The following ZNF729 variants were observed in gnomAD, a reference collection of about 807,000 sequenced individuals.
ZNF729 encodes the protein zinc finger protein 729.
In ZNF729, 15 loss-of-function variants were observed where a neutral mutation model predicts 12.2. The ratio of observed to expected loss-of-function variants is 1.23; its 90% CI spans 0.82 to 1.89. The LOEUF (loss-of-function observed/expected upper bound fraction) is 1.89, where lower values mean the gene tolerates loss of function less well. ZNF729 is among the 40% of genes most tolerant of loss of function. The pLI, the probability that ZNF729 is intolerant of heterozygous loss-of-function variation, is 0.00. For synonymous variants in ZNF729, 492 were observed against 476.3 expected (o/e 1.03, Z -0.43); for missense variants, 1,540 against 1,456.7 (o/e 1.06, Z -0.93).
At chr19:22,299,121 G>A (rs1968270832) in intron 1 of ZNF729, 2 of 152,188 alleles carry the variant, frequency 1.3e-5, no homozygotes, top group Admixed American at 1.3e-4. Context: ...TAATGCTCAT[G>A]TTTCTCATGC....
intron 1 of ZNF729, among the ~76,000 whole-genome samples, chr19:22,287,623 C>T (rs1968097136): frequency 6.6e-6 from 1 of 151,672 alleles, no homozygotes; most frequent in Non-Finnish European, 1.5e-5. Flanking sequence ...AGTCTAATTG[C>T]CTGCCACTTA....
In ZNF729 at chr19:22,314,544, A is replaced by G. The variant is rs1467207914; in HGVS notation, c.1127A>G (p.Tyr376Cys). 15 of 1,611,532 alleles carry G rather than the reference A, an allele frequency of 9.3e-6. No individual in the cohort carries two copies. Among genetic ancestry groups the G allele is most frequent in the Admixed American group, 3.3e-5 (2 of 59,970 alleles). ...HEIIHTGEKPYKCEECGKAFK... is the reference protein window; with the variant it reads ...HEIIHTGEKPCKCEECGKAFK... ...ATAATTCATACTGGAGAGAAACCCT[A>G]CAAATGTGAAGAATGTGGTAAAGCT... Residue 376 changes from tyrosine to cysteine, a missense_variant, in exon 4 of 4, where the codon TAC becomes TGC. Transcript: ENST00000601693.
At chr19:22,306,132 A>G (rs1339612081) in intron 3 of ZNF729, among the ~76,000 whole-genome samples, 1 of 152,158 alleles carries the variant, frequency 6.6e-6, no homozygotes. Context: ...TATATTTAAA[A>G]TGATTTCTTA....
chr19:22,297,682 A>T (rs1169222560), intron 1 of ZNF729, among the ~76,000 whole-genome samples: 1 of 151,436 alleles, frequency 6.6e-6, no homozygotes, highest in Admixed American at 6.6e-5. Context: ...AAAGGAGACA[A>T]AGATTTGTTT....
chr19:22,295,423 T>C (rs1968217030), intron 1 of ZNF729, among the ~76,000 whole-genome samples: 1 of 149,926 alleles, frequency 6.7e-6, no homozygotes, highest in Non-Finnish European at 1.5e-5. Context: ...AGAGTCGCTC[T>C]GTCGCCCAGG....
At chr19:22,289,801 C>T (rs1392084488) in intron 1 of ZNF729, among the ~76,000 whole-genome samples, 1 of 152,052 alleles carries the variant, frequency 6.6e-6, no homozygotes, top group Non-Finnish European at 1.5e-5. Flanking sequence ...TATTCTATAT[C>T]CTGTTATATT....
chr19:22,316,926 A>G lies in ZNF729; in HGVS notation c.3509A>G (p.Asn1170Ser), dbSNP rs780981416. 7.4e-6 allele frequency: 12 copies of G among 1,612,882 alleles called. No individual in the cohort carries two copies. Among genetic ancestry groups the G allele is most frequent in the African/African-American group, 2.7e-5 (2 of 74,860 alleles). Reference protein sequence around the residue: ...YKCEECGKAFNQSSHLTRHKT... With the variant: ...YKCEECGKAFSQSSHLTRHKT... ...TGTGAAGAATGTGGCAAAGCCTTTA[A>G]CCAGTCCTCACACCTTACTAGACAC... The change falls in exon 4 of 4, where the codon AAC (asparagine) becomes AGC (serine). Residue 1170 changes from asparagine to serine, a missense_variant. Asn to Ser is a conservative substitution (Grantham distance 46). Transcript: ENST00000601693.
At position 22,314,706 on chromosome 19, in the gene ZNF729, A is replaced by C. The variant is rs766296191; in HGVS notation, c.1289A>C (p.Lys430Thr). 4 of 1,613,112 alleles carry C rather than the reference A, an allele frequency of 2.5e-6. No individual in the cohort carries two copies. Among genetic ancestry groups the C allele is most frequent in the African/African-American group, 1.3e-5 (1 of 74,902 alleles). Residue 430 changes from lysine (K) to threonine (T), a missense_variant, in exon 4 of 4, where the codon AAA becomes ACA. Coordinates refer to ENST00000601693, the MANE Select transcript of ZNF729 (RefSeq NM_001242680.2). The part of the protein sequence containing the change: ...KKHKIIHTGK[K>T]PYKCEECGKA... ...CATAAGATAATTCATACTGGAAAGA[A>C]ACCCTACAAATGTGAAGAATGTGGC...
At chr19:22,292,671 G>A (rs2145041386) in intron 1 of ZNF729, among the ~76,000 whole-genome samples, 1 of 152,112 alleles carries the variant, frequency 6.6e-6, no homozygotes, top group South Asian at 2.1e-4. Flanking sequence ...GAACTCCTGA[G>A]CTCAGGCAAT....
At chr19:22,301,434 C>G (rs1968302882) in intron 1 of ZNF729, among the ~76,000 whole-genome samples, 1 of 152,190 alleles carries the variant, frequency 6.6e-6, no homozygotes, top group Admixed American at 6.5e-5. Context: ...GATGAGATCT[C>G]TCCTTTGATT....
chr19:22,314,153 A>C lies in ZNF729; in HGVS notation c.736A>C (p.Lys246Gln), dbSNP rs773975059. ...YKYKKCGNAF[K>Q]FSSTFTKHKR... ...ATATAAGAAATGTGGCAATGCCTTT[A>C]AATTTTCTTCAACGTTCACTAAACA... The change falls in exon 4 of 4, where the codon AAA becomes CAA. Residue 246 changes from lysine to glutamine, a missense_variant. Physicochemically the swap from Lys to Gln is moderately conservative, Grantham distance 53. Transcript: ENST00000601693. 1.3e-6 allele frequency: 2 copies of C among 1,563,806 alleles called. No homozygotes were observed. Among genetic ancestry groups the C allele is most frequent in the Non-Finnish European group, 8.7e-7 (1 of 1,155,556 alleles).
At chr19:22,300,745 C>T (rs368718195) in intron 1 of ZNF729, among the ~76,000 whole-genome samples, 2 of 152,280 alleles carry the variant, frequency 1.3e-5, no homozygotes, top group African/African-American at 4.8e-5. Flanking sequence ...AACTGATTCA[C>T]AGACTATGGG....
rs771050759 is a variant in ZNF729, at chr19:22,316,042, T to C, written c.2625T>C (p.Ser875=). 35 of 1,610,606 alleles carry C rather than the reference T, an allele frequency of 2.2e-5. No homozygotes were observed. In the African/African-American group the frequency reaches 4.3e-4, roughly 20 times the overall value. The change falls in exon 4 of 4, where the codon AGT becomes AGC. Residue 875 remains serine (S), a synonymous_variant. Coordinates refer to ENST00000601693, the MANE Select transcript of ZNF729 (RefSeq NM_001242680.2). ...TTAGAAAACATGAGATAATTCATAG[T>C]GGAGAGAAACCATACAAATGTGAAG... ...SSLRKHEIIH[S]GEKPYKCEEC... is the part of the protein sequence containing the mutation.
rs571280286 is a variant in ZNF729, at chr19:22,311,112, A to T, written c.254-2559A>T. On this transcript the variant is annotated intron_variant, in intron 3 of 3. Coordinates refer to ENST00000601693, the MANE Select transcript of ZNF729 (RefSeq NM_001242680.2). ...GGTTAATCTTGCTTATGGTCTGTCA[A>T]TTGTATTTATCTTTTTAAAGAGCCA... 2.6e-3 allele frequency among the ~76,000 whole-genome samples: 390 copies of T among 151,900 alleles called. 3 individuals are homozygous for T. Among genetic ancestry groups the T allele is most frequent in the African/African-American group, 9.1e-3 (376 of 41,448 alleles).
intron 1 of ZNF729, among the ~76,000 whole-genome samples, chr19:22,291,621 A>G (rs1968156068): frequency 6.6e-6 from 1 of 152,218 alleles, no homozygotes. Flanking sequence ...ATCTGCCTGC[A>G]TGGACCCAGA....
intron 1 of ZNF729, among the ~76,000 whole-genome samples, chr19:22,287,662 G>A (rs890366378): frequency 2.8e-5 from 4 of 143,048 alleles, no homozygotes; most frequent in African/African-American, 7.8e-5. Flanking sequence ...CACACTCCTC[G>A]GAGGACTGAT....
intron 1 of ZNF729, among the ~76,000 whole-genome samples, chr19:22,297,692 T>C (rs111451157): frequency 0.032 from 4,845 of 151,894 alleles, 255 homozygotes; most frequent in African/African-American, 0.11. Context: ...AAGATTTGTT[T>C]AGATTAAAGC....
rs1183033576 is a variant in ZNF729 at position 22,316,395 on chromosome 19, A to G, written c.2978A>G (p.Lys993Arg). ...ATTCATACTGGGGAGAAACCCTACA[A>G]ATGCGAAGAATGTGGCAAAGATTTT... ...KAIHTGEKPYKCEECGKDFNN... is the reference protein window; with the variant it reads ...KAIHTGEKPYRCEECGKDFNN... The change falls in exon 4 of 4, where the codon AAA becomes AGA. Residue 993 changes from lysine (K) to arginine (R), a missense_variant. Physicochemically the swap from Lys to Arg is conservative, Grantham distance 26. Coordinates refer to ENST00000601693, the MANE Select transcript of ZNF729 (RefSeq NM_001242680.2). The G allele has an allele frequency of 1.2e-6, 2 of 1,613,754 alleles. No individual in the cohort carries two copies. Among genetic ancestry groups the G allele is most frequent in the South Asian group, 2.2e-5 (2 of 91,062 alleles).
chr19:22,286,974 A>C (rs1056875318), intron 1 of ZNF729, among the ~76,000 whole-genome samples: 1 of 152,252 alleles, frequency 6.6e-6, no homozygotes, highest in African/African-American at 2.4e-5. Flanking sequence ...CCACTAAAGT[A>C]ATAAATAATT....
Sources: allele counts gnomAD v4.1 joint callset (sites outside exome capture counted in the v4.1 genomes callset), GRCh38; gene constraint gnomAD v4.1.1; transcripts MANE v1.5; gene names NCBI Gene and HGNC (gene_info 2026-07-23, HGNC 2026-07-21).